NEDD4L: variants seen among roughly 807,000 people sequenced by gnomAD.
NEDD4L encodes E3 ubiquitin-protein ligase NEDD4-like.
A neutral mutation model predicts 148.9 loss-of-function variants in NEDD4L; 54 were observed. The observed-to-expected ratio is 0.36, with a 90% confidence interval of 0.29 to 0.45. The LOEUF (loss-of-function observed/expected upper bound fraction) is 0.45, where lower values mean the gene tolerates loss of function less well. Ranked by LOEUF, NEDD4L falls within the 20% of genes least tolerant of loss-of-function variation. The probability of loss-of-function intolerance (pLI) is 1.00; values close to 1 mark genes in which losing one functional copy is unlikely to be tolerated. For missense variants in NEDD4L, 856 were observed against 1,233.8 expected, an observed-to-expected ratio of 0.69 and a Z score of 4.59; for synonymous variants, 433 against 440.7, an observed-to-expected ratio of 0.98 and a Z score of 0.22.
At chr18:58,370,502 G>T (rs376401135) in intron 23 of NEDD4L, 35 bp downstream of exon 23, 1 of 1,364,452 alleles carries the variant, frequency 7.3e-7, no homozygotes, top group Non-Finnish European at 1.1e-6. Flanking sequence ...GGCCATCACC[G>T]GGCACTCGTG....
chr18:58,222,131 T>C (rs531126731), intron 2 of NEDD4L, among the ~76,000 whole-genome samples: 1 of 152,366 alleles, frequency 6.6e-6, no homozygotes, highest in South Asian at 2.1e-4. Context: ...GCTGAAGTTC[T>C]ATGAATGAGG....
chr18:58,085,896 ATTT>A (rs529562888), intron 1 of NEDD4L, among the ~76,000 whole-genome samples: 43 of 152,204 alleles, frequency 2.8e-4, no homozygotes, highest in Non-Finnish European at 5.9e-4. Context: ...TTTGTTAATC[ATTT>A]ATGTGAGGTC....
intron 2 of NEDD4L, among the ~76,000 whole-genome samples, chr18:58,202,432 C>T (rs2041517231): frequency 6.6e-6 from 1 of 152,264 alleles, no homozygotes; most frequent in Admixed American, 6.5e-5. Context: ...ATGTCAGGCC[C>T]TGCCCCAGAG....
intron 5 of NEDD4L, among the ~76,000 whole-genome samples, chr18:58,269,592 C>A (rs926061615): frequency 2.0e-5 from 3 of 151,958 alleles, no homozygotes; most frequent in African/African-American, 7.3e-5. Flanking sequence ...TTAAAGGGGA[C>A]CCCTGGCCAG....
intron 2 of NEDD4L, among the ~76,000 whole-genome samples, chr18:58,190,431 G>GA (rs1332783595): frequency 6.6e-6 from 1 of 152,134 alleles, no homozygotes; most frequent in African/African-American, 2.4e-5. Context: ...TAATGTTATG[G>GA]AAACATTTTA....
At chr18:58,361,372 G>A (rs2045451957) in intron 19 of NEDD4L, among the ~76,000 whole-genome samples, 1 of 152,190 alleles carries the variant, frequency 6.6e-6, no homozygotes, top group Non-Finnish European at 1.5e-5. Context: ...ACTAGTAATA[G>A]CATTTAGTAA....
At chr18:58,380,549 C>T (rs1320984734) in intron 24 of NEDD4L, among the ~76,000 whole-genome samples, 1 of 152,062 alleles carries the variant, frequency 6.6e-6, no homozygotes, top group Non-Finnish European at 1.5e-5. Flanking sequence ...AACTCCTGAC[C>T]TCGTGATCTG....
chr18:58,255,772 G>A (rs2048444094), intron 5 of NEDD4L: 3 of 1,232,530 alleles, frequency 2.4e-6, no homozygotes, highest in South Asian at 4.1e-5. Flanking sequence ...GAAGCAGCCC[G>A]CACCCCTTCG....
At chr18:58,308,729 C>A (rs1055467540) in intron 5 of NEDD4L, among the ~76,000 whole-genome samples, 18 of 152,362 alleles carry the variant, frequency 1.2e-4, no homozygotes, top group African/African-American at 3.8e-4. Flanking sequence ...TCTGGCCGCG[C>A]CTCCCTTGGG....
chr18:58,102,552 AC>A (rs2084820708), intron 1 of NEDD4L, among the ~76,000 whole-genome samples: 1 of 151,910 alleles, frequency 6.6e-6, no homozygotes, highest in African/African-American at 2.4e-5. Context: ...GTTAACCCCC[AC>A]CCCCATCTGC....
At chr18:58,341,831 C>G (rs1568769588) in intron 15 of NEDD4L, 34 bp downstream of exon 15, 4 of 1,598,020 alleles carry the variant, frequency 2.5e-6, no homozygotes, top group Non-Finnish European at 3.4e-6. Flanking sequence ...TGGACTCACT[C>G]TGTCCTGTGA....
chr18:58,107,533 C>T (rs904771004), intron 1 of NEDD4L, among the ~76,000 whole-genome samples: 2 of 152,112 alleles, frequency 1.3e-5, no homozygotes, highest in African/African-American at 4.8e-5. Flanking sequence ...GTCTGGGTAA[C>T]ATGGCAAAAC....
intron 5 of NEDD4L, among the ~76,000 whole-genome samples, chr18:58,303,264 T>C (rs11664416): frequency 0.11 from 16,914 of 152,204 alleles, 999 homozygotes; most frequent in Middle Eastern, 0.16. Context: ...GGTTGGTGCC[T>C]AGGATGCTCA....
intron 13 of NEDD4L, among the ~76,000 whole-genome samples, chr18:58,340,174 C>G (rs1276423970): frequency 3.9e-5 from 6 of 152,194 alleles, no homozygotes; most frequent in Non-Finnish European, 8.8e-5. Context: ...GCCCTGATCT[C>G]CAGCATCTGT....
chr18:58,163,923 A>G (rs1267501827), intron 1 of NEDD4L, among the ~76,000 whole-genome samples: 1 of 150,998 alleles, frequency 6.6e-6, no homozygotes, highest in Admixed American at 6.6e-5. Context: ...ATAATCATCA[A>G]GGTTTTCTTG....
intron 1 of NEDD4L, among the ~76,000 whole-genome samples, chr18:58,094,246 G>A (rs1313770283): frequency 2.0e-5 from 3 of 150,680 alleles, no homozygotes; most frequent in Non-Finnish European, 2.9e-5. Flanking sequence ...GTGTGGTGGC[G>A]CGATCATAGC....
At chr18:58,386,973 C>T (rs768760683) in intron 26 of NEDD4L, among the ~76,000 whole-genome samples, 51 of 152,310 alleles carry the variant, frequency 3.3e-4, no homozygotes, top group African/African-American at 1.1e-3. Context: ...TCCTAGATCA[C>T]GCCACAGTTA....
chr18:58,140,198 G>T (rs571316109), intron 1 of NEDD4L, among the ~76,000 whole-genome samples: 1 of 152,152 alleles, frequency 6.6e-6, no homozygotes, highest in Non-Finnish European at 1.5e-5. Flanking sequence ...TCTTGCAGCT[G>T]CTGGGCTGAT....
In NEDD4L at chr18:58,113,711, C is replaced by CTATG. The variant is rs540064115; in HGVS notation, c.49-52075_49-52072dup. ...TTTGGGCATTATTCAAGGTGGGGTG[C>CTATG]TATGTCATTGAAGGGTTTTAGCAGA... On this transcript the variant is annotated intron_variant, in intron 1 of 30. Transcript: ENST00000400345. Among the ~76,000 whole-genome samples, 315 of 152,044 alleles carry CTATG rather than the reference C, an allele frequency of 2.1e-3. 2 individuals are homozygous for CTATG. The highest frequency in any genetic ancestry group is 7.4e-3 in the African/African-American group (306 of 41,470).
Sources: allele counts gnomAD v4.1 joint callset (sites outside exome capture counted in the v4.1 genomes callset), GRCh38; gene constraint gnomAD v4.1.1; transcripts MANE v1.5; gene names NCBI Gene and HGNC (gene_info 2026-07-23, HGNC 2026-07-21).